NFATC1: variants seen among roughly 807,000 people sequenced by gnomAD.
The protein encoded by NFATC1 is nuclear factor of activated T cells 1.
In NFATC1, 22 loss-of-function variants were observed where a neutral mutation model predicts 76.0. The observed-to-expected ratio is 0.29, with a 90% CI of 0.21 to 0.41. NFATC1 has a LOEUF of 0.41. Ranked by LOEUF, NFATC1 falls within the 10% of genes least tolerant of loss-of-function variation. The pLI, the probability that NFATC1 is intolerant of heterozygous loss-of-function variation, is 1.00. For missense variants in NFATC1, 1,357 were observed against 1,337.7 expected (o/e 1.01, Z -0.23); for synonymous variants, 704 against 613.1 (o/e 1.15, Z -2.19).
intron 9 of NFATC1, among the ~76,000 whole-genome samples, chr18:79,510,783 G>A (rs945169152): frequency 6.6e-6 from 1 of 152,192 alleles, no homozygotes; most frequent in Non-Finnish European, 1.5e-5. Flanking sequence ...TGTGGCCCTG[G>A]GCACAGACCC....
chr18:79,464,494 T>G (rs1445786171), intron 7 of NFATC1, among the ~76,000 whole-genome samples: 1 of 151,352 alleles, frequency 6.6e-6, no homozygotes, highest in African/African-American at 2.4e-5. Context: ...TTGGACAATA[T>G]AAAAAAGGAA....
At chr18:79,405,594 C>A (rs930187540) in intron 1 of NFATC1, among the ~76,000 whole-genome samples, 1 of 152,208 alleles carries the variant, frequency 6.6e-6, no homozygotes, top group African/African-American at 2.4e-5. Flanking sequence ...CCTCTGGGGG[C>A]AGCTTGACCC....
At chr18:79,488,692 C>G (rs1027618729) in intron 9 of NFATC1, among the ~76,000 whole-genome samples, 1 of 152,204 alleles carries the variant, frequency 6.6e-6, no homozygotes, top group Non-Finnish European at 1.5e-5. Flanking sequence ...AGCCCCTGCG[C>G]GAGGTGGACG....
At chr18:79,489,543 T>G (rs1372328545) in intron 9 of NFATC1, among the ~76,000 whole-genome samples, 3 of 152,128 alleles carry the variant, frequency 2.0e-5, no homozygotes, top group African/African-American at 7.2e-5. Context: ...GAGGACAACC[T>G]CTCCCCGCAG....
At position 79,527,598 on chromosome 18, in the gene NFATC1, G is replaced by A. The variant is rs2090803948; in HGVS notation, c.*21G>A. On this transcript the variant is annotated 3_prime_UTR_variant, in exon 10 of 10. Transcript: ENST00000427363. ...CCTAGTTGCCACATTGGAGCACTCA[G>A]TTCAGCAGGGGTATGCTGACTTCAG... is the stretch of plus-strand genomic sequence containing the variant. The A allele has an allele frequency of 6.2e-7, 1 of 1,611,076 alleles. No homozygotes were observed. Among genetic ancestry groups the A allele is most frequent in the African/African-American group, 1.3e-5 (1 of 74,858 alleles).
At chr18:79,474,005 C>T (rs2088909602) in intron 8 of NFATC1, among the ~76,000 whole-genome samples, 1 of 136,840 alleles carries the variant, frequency 7.3e-6, no homozygotes, top group Non-Finnish European at 1.5e-5. Context: ...CGTTTTCACA[C>T]TCACTGTCGA....
At chr18:79,439,336 C>T (rs568618865) in intron 3 of NFATC1, among the ~76,000 whole-genome samples, 3 of 152,318 alleles carry the variant, frequency 2.0e-5, no homozygotes, top group South Asian at 2.1e-4. Context: ...AAACAGCAGC[C>T]GCTCCGGCCC....
At chr18:79,490,981 C>T (rs1600907149) in intron 9 of NFATC1, among the ~76,000 whole-genome samples, 1 of 152,118 alleles carries the variant, frequency 6.6e-6, no homozygotes, top group South Asian at 2.1e-4. Flanking sequence ...GACTCCAGCT[C>T]CATGGAAATG....
chr18:79,486,604 C>T lies in NFATC1; in HGVS notation c.2449C>T (p.Pro817Ser), dbSNP rs1410935827. Residue 817 changes from proline (P) to serine (S), a missense_variant, in exon 9 of 10, where the codon CCA becomes TCA. Pro to Ser is a moderately conservative substitution (Grantham distance 74). Transcript: ENST00000427363. ...VATHPGSPGQ[P>S]PPALLPQQVS... ...CACGCACCCCGGCTCGCCCGGGCAG[C>T]CACCCCCGGCCCTGCTGCCACAGCA... 2 of 1,591,766 alleles carry T rather than the reference C, an allele frequency of 1.3e-6. No individual in the cohort carries two copies. Among genetic ancestry groups the T allele is most frequent in the East Asian group, 2.3e-5 (1 of 44,324 alleles).
chr18:79,472,696 C>T (rs990057439), intron 8 of NFATC1, among the ~76,000 whole-genome samples: 3 of 152,152 alleles, frequency 2.0e-5, no homozygotes, highest in Non-Finnish European at 4.4e-5. Flanking sequence ...GAGCTCGGCT[C>T]TCACTGCAGA....
chr18:79,438,939 C>CT (rs1287573954), intron 3 of NFATC1, among the ~76,000 whole-genome samples: 7 of 152,238 alleles, frequency 4.6e-5, no homozygotes, highest in African/African-American at 1.7e-4. Context: ...AACTTGACAG[C>CT]TGAAGACCAA....
At chr18:79,502,939 T>C (rs889146236) in intron 9 of NFATC1, among the ~76,000 whole-genome samples, 12 of 152,198 alleles carry the variant, frequency 7.9e-5, no homozygotes, top group Admixed American at 4.6e-4. Flanking sequence ...TAGAAGAAAC[T>C]TGCCATGTGA....
chr18:79,400,276 G>A, intron 1 of NFATC1: 1 of 1,199,038 alleles, frequency 8.3e-7, no homozygotes, highest in Non-Finnish European at 1.0e-6. Flanking sequence ...GGCGGGGCGG[G>A]GACGGGGGGA....
Position 79,396,284 on chromosome 18 carries a change from C to G in NFATC1, c.60C>G (p.Val20=). The G allele has an allele frequency of 6.8e-7, 1 of 1,461,932 alleles. No homozygotes were observed. 90.6% of individuals were successfully genotyped at this position (1,461,932 alleles called of 1,614,324 possible). ...TTCCACTTGGCCCTGCGGCTGCGGT[C>G]TTCGGGAGAGGAGAAACTTTGGGGC... ...SKFPLGPAAA[V]FGRGETLGPA... Residue 20 remains valine (V), a synonymous_variant, in exon 1 of 10, where the codon GTC becomes GTG. Transcript: ENST00000427363.
At chr18:79,397,065 C>T (rs946498374) in intron 1 of NFATC1, among the ~76,000 whole-genome samples, 4 of 152,172 alleles carry the variant, frequency 2.6e-5, no homozygotes, top group African/African-American at 9.7e-5. Context: ...CAGTGTGGGT[C>T]CCTGAAACCC....
In NFATC1 at chr18:79,512,517, C is replaced by T. The variant is rs1439956873; in HGVS notation, c.2783-15011C>T. Among the ~76,000 whole-genome samples the T allele has an allele frequency of 4.6e-5, 7 of 152,214 alleles. No homozygotes were observed. The South Asian group carries it at 6.2e-4, about 14-fold the overall frequency. On this transcript the variant is annotated intron_variant, in intron 9 of 9. Coordinates refer to ENST00000427363, the MANE Select transcript of NFATC1 (RefSeq NM_001278669.2). Reference sequence around the variant, plus strand: ...AGCCGGAGCAGCATCTGTGGCTCCACGAGGTCAGAGCCTTGGCAGTTGTGC... The same window carrying T: ...AGCCGGAGCAGCATCTGTGGCTCCATGAGGTCAGAGCCTTGGCAGTTGTGC...
intron 1 of NFATC1, chr18:79,400,263 G>GGGGGCGGGGCGGGGACGGGGGGA: frequency 9.4e-6 from 11 of 1,169,800 alleles, no homozygotes; most frequent in Non-Finnish European, 9.6e-6. Flanking sequence ...CCCGGGGGGC[G>GGGGGCGGGGCGGGGACGGGGGGA]GGGGCGGGGC....
Position 79,403,935 on chromosome 18 carries a change from G to C in NFATC1, c.128-6468G>C, listed in dbSNP as rs115243537. ...GAATTAGGAATGCTCTGTTGTTCAAGTTCAGTGTTTTAGGAAAGCGTTCCT... is the reference window on the plus strand; with the variant it reads ...GAATTAGGAATGCTCTGTTGTTCAACTTCAGTGTTTTAGGAAAGCGTTCCT... On this transcript the variant is annotated intron_variant, in intron 1 of 9. Transcript: ENST00000427363. Among the ~76,000 whole-genome samples the C allele has an allele frequency of 5.8e-3, 878 of 152,326 alleles. 7 individuals are homozygous for C. The highest frequency in any genetic ancestry group is 0.02 in the African/African-American group (818 of 41,568).
intron 2 of NFATC1, among the ~76,000 whole-genome samples, chr18:79,419,931 T>C (rs1338904449): frequency 6.6e-6 from 1 of 152,218 alleles, no homozygotes; most frequent in African/African-American, 2.4e-5. Context: ...TTGAGCAAAA[T>C]GTTTTCTACA....
Sources: allele counts gnomAD v4.1 joint callset (sites outside exome capture counted in the v4.1 genomes callset), GRCh38; gene constraint gnomAD v4.1.1; transcripts MANE v1.5; gene names NCBI Gene and HGNC (gene_info 2026-07-23, HGNC 2026-07-21).